LOXL2: variants seen among roughly 807,000 people sequenced by gnomAD.
LOXL2 encodes lysyl oxidase like 2.
Under a neutral mutation model 93.0 loss-of-function variants are expected in LOXL2, and 70 were observed. That is an observed-to-expected ratio of 0.75 (90% confidence interval 0.62 to 0.92). The LOEUF (loss-of-function observed/expected upper bound fraction) is 0.92. Among genes scored for constraint, LOXL2 ranks in the 40% least tolerant of loss-of-function variants. The probability of loss-of-function intolerance (pLI) is 0.00; values close to 1 mark genes in which losing one functional copy is unlikely to be tolerated. For missense variants in LOXL2, 973 were observed against 1,054.9 expected, an observed-to-expected ratio of 0.92 and a Z score of 1.08; for synonymous variants, 438 against 413.2, an observed-to-expected ratio of 1.06 and a Z score of -0.73.
intron 1 of LOXL2, among the ~76,000 whole-genome samples, chr8:23,393,498 T>C (rs1285192407): frequency 2.6e-5 from 4 of 152,184 alleles, no homozygotes; most frequent in Non-Finnish European, 5.9e-5. Flanking sequence ...AATAGCCACA[T>C]GCAAAAGAAT....
chr8:23,393,671 C>T (rs887035353), intron 1 of LOXL2, among the ~76,000 whole-genome samples: 1 of 151,692 alleles, frequency 6.6e-6, no homozygotes, highest in African/African-American at 2.4e-5. Context: ...GCACAAGAAA[C>T]AAAAGGAAAA....
intron 1 of LOXL2, among the ~76,000 whole-genome samples, chr8:23,388,421 ATTT>A (rs1014676764): frequency 6.7e-6 from 1 of 149,606 alleles, no homozygotes; most frequent in South Asian, 2.1e-4. Context: ...CTACAAAAAA[ATTT>A]TTTTTTTTAA....
intron 2 of LOXL2, chr8:23,364,234 A>G (rs1804357571): frequency 6.6e-6 from 1 of 152,144 alleles, no homozygotes; most frequent in African/African-American, 2.4e-5. Flanking sequence ...ATTCCAATGC[A>G]ACCAGCTTCT....
In LOXL2 at chr8:23,311,166, C is replaced by G. The variant is rs552369952; in HGVS notation, c.1637-1255G>C. ...CTCTGTCTCCCTTCTCCCCCTCCCC[C>G]TCCAGGCTTACAGGCTGCAGCAGAG... On this transcript the variant is annotated intron_variant, in intron 9 of 13. Coordinates refer to ENST00000389131, the MANE Select transcript of LOXL2 (RefSeq NM_002318.3). 9.8e-5 allele frequency among the ~76,000 whole-genome samples: 15 copies of G among 152,348 alleles called. 1 individual carries two copies. The highest frequency in any genetic ancestry group is 3.6e-4 in the African/African-American group (15 of 41,582).
chr8:23,350,002 G>C (rs7846631), intron 3 of LOXL2, among the ~76,000 whole-genome samples: 2 of 151,678 alleles, frequency 1.3e-5, no homozygotes, highest in African/African-American at 4.8e-5. Flanking sequence ...ACATAAGCAC[G>C]ACTTGTGTGA....
At chr8:23,387,720 C>T (rs1309077286) in intron 1 of LOXL2, among the ~76,000 whole-genome samples, 1 of 151,952 alleles carries the variant, frequency 6.6e-6, no homozygotes, top group African/African-American at 2.4e-5. Context: ...GAGGCTGAGG[C>T]AGGTGGATCA....
Position 23,297,804 on chromosome 8 carries a change from TG to T in LOXL2, c.*238del, listed in dbSNP as rs1479574703. 2.1e-6 allele frequency: 1 copy of T among 487,266 alleles called. No homozygotes were observed. The highest frequency in any genetic ancestry group is 3.5e-5 in the Admixed American group (1 of 28,510). The allele number at this position is 487,266 out of a possible 1,614,324, so 30.2% of individuals were successfully genotyped here. ...GCTCTTGGTGCTGCTCCAGCAGCTC[TG>T]TGGACAAACCCCACCCCCGCAAGGC... is the stretch of plus-strand genomic sequence containing the variant. On this transcript the variant is annotated 3_prime_UTR_variant, in exon 14 of 14. Coordinates refer to ENST00000389131, the MANE Select transcript of LOXL2 (RefSeq NM_002318.3).
chr8:23,315,590 G>A (rs934626208), intron 9 of LOXL2, among the ~76,000 whole-genome samples: 2 of 152,160 alleles, frequency 1.3e-5, no homozygotes, highest in Admixed American at 6.5e-5. Flanking sequence ...AGAGTGGTGG[G>A]CTTCTCTTGA....
In LOXL2 at chr8:23,360,250, T is replaced by C; in HGVS notation, c.371A>G (p.Asp124Gly). The C allele has an allele frequency of 6.2e-7, 1 of 1,608,388 alleles. No homozygotes were observed. The highest frequency in any genetic ancestry group is 8.5e-7 in the Non-Finnish European group (1 of 1,175,428). The change falls in exon 3 of 14, where the codon GAC becomes GGC. Residue 124 changes from aspartate (D) to glycine (G), a missense_variant. Physicochemically the swap from Asp to Gly is moderately conservative, Grantham distance 94. Coordinates refer to ENST00000389131, the MANE Select transcript of LOXL2 (RefSeq NM_002318.3). Reference protein sequence around the residue: ...YGKGEGPIWLDNLHCTGNEAT... With the variant: ...YGKGEGPIWLGNLHCTGNEAT... ...CTCGTTGCCAGTACAGTGGAGATTG[T>C]CTAACCAGATGGGCCCTGAAGGAGG...
intron 5 of LOXL2, chr8:23,328,818 G>A (rs7462694): frequency 0.023 from 10,609 of 465,060 alleles, 434 homozygotes; most frequent in Admixed American, 0.11. Context: ...TGCAGCCCTC[G>A]CGTGGAGCTT....
At chr8:23,367,894 A>C (rs1359643547) in intron 2 of LOXL2, 103 bp downstream of exon 2, 2 of 902,430 alleles carry the variant, frequency 2.2e-6, no homozygotes, top group Non-Finnish European at 3.4e-6. Flanking sequence ...AAGAATTTAC[A>C]CTTCGCAGTG....
intron 2 of LOXL2, among the ~76,000 whole-genome samples, chr8:23,367,676 AC>A (rs1039365286): frequency 1.8e-4 from 27 of 148,844 alleles, no homozygotes; most frequent in African/African-American, 6.3e-4. Flanking sequence ...GGCCGATTTC[AC>A]CCCCTACCTG....
intron 10 of LOXL2, among the ~76,000 whole-genome samples, chr8:23,307,349 C>G (rs7840011): frequency 0.018 from 2,745 of 152,218 alleles, 88 homozygotes; most frequent in African/African-American, 0.063. Context: ...GAGGGGGAGA[C>G]CAGAAGGTAC....
At chr8:23,318,084 T>C (rs10105156) in intron 8 of LOXL2, among the ~76,000 whole-genome samples, 20,721 of 151,642 alleles carry the variant, frequency 0.14, 2,329 homozygotes, top group African/African-American at 0.3. Flanking sequence ...TTAGATGAGA[T>C]TAACATTTTA....
At chr8:23,373,293 C>T (rs1804528512) in intron 1 of LOXL2, among the ~76,000 whole-genome samples, 3 of 152,172 alleles carry the variant, frequency 2.0e-5, no homozygotes, top group African/African-American at 7.2e-5. Context: ...TCTGAACTAC[C>T]TGAGCCAGCG....
Position 23,322,172 on chromosome 8 carries a change from A to T in LOXL2, c.1260T>A (p.Ala420=). 1 of 1,614,210 alleles carries T rather than the reference A, an allele frequency of 6.2e-7. No individual in the cohort carries two copies. ...TGGCAGGGGTGTTGCATCTCACACC[A>T]GCATCCTCCTCGTGGTTGCAGCCCT... ...ESQGCNHEED[A]GVRCNTPAMG... is the part of the protein sequence containing the mutation. Residue 420 remains alanine (A), a synonymous_variant, in exon 7 of 14, where the codon GCT becomes GCA. Coordinates refer to ENST00000389131, the MANE Select transcript of LOXL2 (RefSeq NM_002318.3).
intron 1 of LOXL2, chr8:23,385,712 A>G: frequency 3.6e-6 from 2 of 559,248 alleles, no homozygotes; most frequent in Non-Finnish European, 6.4e-6. Context: ...ACAGAAACGT[A>G]ATGAGAGCCA....
chr8:23,299,944 C>T (rs2117136099), intron 12 of LOXL2, among the ~76,000 whole-genome samples: 1 of 152,356 alleles, frequency 6.6e-6, no homozygotes, highest in East Asian at 1.9e-4. Flanking sequence ...GCACCTGGCT[C>T]AGCTGTGTCC....
In LOXL2 at chr8:23,298,443, GT is replaced by G. The variant is rs1414742907; in HGVS notation, c.2246-322del. The stretch of plus-strand genomic sequence containing the variant: ...AGTCCTATCATCCAAGGAAAAAAGT[GT>G]CTTTATTGGAGACTAGAAATAACAG... On this transcript the variant is annotated intron_variant, in intron 13 of 13. Coordinates refer to ENST00000389131, the MANE Select transcript of LOXL2 (RefSeq NM_002318.3). Among the ~76,000 whole-genome samples the G allele has an allele frequency of 1.1e-4, 16 of 152,354 alleles. 1 individual carries two copies. In the East Asian group the frequency reaches 2.3e-3, roughly 22 times the overall value.
Sources: allele counts gnomAD v4.1 joint callset (sites outside exome capture counted in the v4.1 genomes callset), GRCh38; gene constraint gnomAD v4.1.1; transcripts MANE v1.5; gene names NCBI Gene and HGNC (gene_info 2026-07-23, HGNC 2026-07-21).